Variants in IGF2BP2 observed in about 807,000 individuals in gnomAD.
The protein encoded by IGF2BP2 is insulin like growth factor 2 mRNA binding protein 2, also known as insulin-like growth factor 2 mRNA-binding protein 2.
IGF2BP2 carries 17 observed loss-of-function variants against 75.8 expected under a neutral mutation model. That is an observed-to-expected ratio of 0.22 (90% CI 0.15 to 0.34). IGF2BP2 has a LOEUF of 0.34. Among genes scored for constraint, IGF2BP2 ranks in the 10% least tolerant of loss-of-function variants. The probability of loss-of-function intolerance (pLI) is 1.00; values close to 1 mark genes in which losing one functional copy is unlikely to be tolerated. For synonymous variants in IGF2BP2, 288 were observed against 295.6 expected (o/e 0.97, Z 0.26); for missense variants, 516 against 772.4 (o/e 0.67, Z 3.93).
At chr3:185,712,056 C>G (rs1320509223) in intron 2 of IGF2BP2, among the ~76,000 whole-genome samples, 1 of 152,206 alleles carries the variant, frequency 6.6e-6, no homozygotes, top group Non-Finnish European at 1.5e-5. Flanking sequence ...GAAGGCATGA[C>G]CTGGAGCCAG....
chr3:185,809,369 T>G (rs57143329), intron 2 of IGF2BP2, among the ~76,000 whole-genome samples: 4 of 152,232 alleles, frequency 2.6e-5, no homozygotes, highest in African/African-American at 9.6e-5. Context: ...TGAAGCCCTG[T>G]GCAATTGTTC....
At chr3:185,659,711 T>C (rs1716101808) in intron 10 of IGF2BP2, among the ~76,000 whole-genome samples, 1 of 152,134 alleles carries the variant, frequency 6.6e-6, no homozygotes, top group South Asian at 2.1e-4. Flanking sequence ...TACTGTGTAC[T>C]AGATACTAAC....
At chr3:185,708,818 C>T (rs752329926) in intron 2 of IGF2BP2, among the ~76,000 whole-genome samples, 1 of 152,154 alleles carries the variant, frequency 6.6e-6, no homozygotes, top group East Asian at 1.9e-4. Context: ...TGAGTACAAA[C>T]ATGCATTTGG....
rs188432693 is a variant in IGF2BP2 at position 185,731,940 on chromosome 3, C to T, written c.240-33593G>A. Reference sequence around the variant, plus strand: ...GAGTTTGCAGTGAGCTGAGATCATGCCACTGCACTCCAGCCTGGGCGACAG... The same window carrying T: ...GAGTTTGCAGTGAGCTGAGATCATGTCACTGCACTCCAGCCTGGGCGACAG... On this transcript the variant is annotated intron_variant, in intron 2 of 15. Coordinates refer to ENST00000382199, the MANE Select transcript of IGF2BP2 (RefSeq NM_006548.6). 7.8e-3 allele frequency among the ~76,000 whole-genome samples: 1,188 copies of T among 152,098 alleles called. 31 individuals are homozygous for T. The highest frequency in any genetic ancestry group is 0.016 in the South Asian group (77 of 4,818).
intron 2 of IGF2BP2, among the ~76,000 whole-genome samples, chr3:185,764,548 C>G (rs1732797094): frequency 6.6e-6 from 1 of 152,134 alleles, no homozygotes; most frequent in Non-Finnish European, 1.5e-5. Flanking sequence ...GACCAATCTG[C>G]AGAGCAGCAA....
intron 2 of IGF2BP2, among the ~76,000 whole-genome samples, chr3:185,809,356 T>C (rs942995578): frequency 1.3e-5 from 2 of 152,238 alleles, no homozygotes; most frequent in Non-Finnish European, 2.9e-5. Flanking sequence ...CCAATGTTCA[T>C]TTTGAAGCCC....
At position 185,720,167 on chromosome 3, in the gene IGF2BP2, G is replaced by T. The variant is rs181744746; in HGVS notation, c.240-21820C>A. Among the ~76,000 whole-genome samples the T allele has an allele frequency of 1.2e-3, 186 of 152,292 alleles. 2 individuals carry two copies. Among genetic ancestry groups the T allele is most frequent in the Middle Eastern group, 6.8e-3 (2 of 294 alleles). On this transcript the variant is annotated intron_variant, in intron 2 of 15. Transcript: ENST00000382199. ...CAGGAGTCTTCAGTCTCTGGCCGTG[G>T]TCTATAAGAAAGGGCTACCAGCTAA...
At chr3:185,713,419 C>T (rs1162681597) in intron 2 of IGF2BP2, 1 of 519,996 alleles carries the variant, frequency 1.9e-6, no homozygotes, top group South Asian at 1.4e-5. Context: ...CAGTGGGCGG[C>T]TTGGTTTAAT....
chr3:185,649,815 C>A (rs904202045), intron 13 of IGF2BP2, among the ~76,000 whole-genome samples: 2 of 152,200 alleles, frequency 1.3e-5, no homozygotes, highest in Non-Finnish European at 2.9e-5. Context: ...TGTGTCAGGG[C>A]TAAGGGGATG....
chr3:185,751,835 C>T lies in IGF2BP2; in HGVS notation c.240-53488G>A, dbSNP rs946498688. Among the ~76,000 whole-genome samples, 9 of 151,650 alleles carry T rather than the reference C, an allele frequency of 5.9e-5. No individual in the cohort carries two copies. In the South Asian group the frequency reaches 1.3e-3, roughly 21 times the overall value. On this transcript the variant is annotated intron_variant, in intron 2 of 15. Transcript: ENST00000382199. The stretch of plus-strand genomic sequence containing the variant: ...AAAATTAGCTGGGCGTGGTGGTGGG[C>T]GCCTGTAGTCCCAGCTACTCAAGAG...
chr3:185,821,043 G>A (rs1295900975), intron 2 of IGF2BP2: 2 of 1,535,556 alleles, frequency 1.3e-6, no homozygotes, highest in South Asian at 1.2e-5. Flanking sequence ...ACGTGGTAGT[G>A]TCCAGGACAT....
intron 2 of IGF2BP2, among the ~76,000 whole-genome samples, chr3:185,723,222 AAACAGCT>A (rs1726825621): frequency 1.3e-5 from 2 of 152,194 alleles, no homozygotes; most frequent in South Asian, 4.1e-4. Flanking sequence ...AAAATTACGC[AAACAGCT>A]AAGTTTCTAT....
rs748296935 is a variant in IGF2BP2 at position 185,823,158 on chromosome 3, C to A, written c.234G>T (p.Lys78Asn). The A allele has an allele frequency of 1.2e-6, 2 of 1,602,964 alleles. No individual in the cohort carries two copies. Among genetic ancestry groups the A allele is most frequent in the Admixed American group, 3.4e-5 (2 of 58,294 alleles). ...ACTAAGCAAAGTATATTTACCTTAG[C>A]TTTTTAGAGACTGAGTAATCAACTT... ...IMEVDYSVSK[K>N]LRSRKIQIRN... The change falls in exon 2 of 16, where the codon AAG (lysine) becomes AAT (asparagine). Residue 78 changes from lysine (K) to asparagine (N), a missense_variant. This residue lies in a region of IGF2BP2 where 312 missense variants were observed against 474.5 expected (regional missense o/e 0.66). Transcript: ENST00000382199.
intron 10 of IGF2BP2, among the ~76,000 whole-genome samples, chr3:185,665,394 G>A (rs573276563): frequency 1.4e-5 from 2 of 139,440 alleles, no homozygotes; most frequent in African/African-American, 5.4e-5. Flanking sequence ...AGGAGAAGGA[G>A]GAGGAGGAGA....
At chr3:185,729,381 A>G (rs1434095119) in intron 2 of IGF2BP2, among the ~76,000 whole-genome samples, 1 of 152,220 alleles carries the variant, frequency 6.6e-6, no homozygotes, top group African/African-American at 2.4e-5. Context: ...TCCGCCTGTC[A>G]CTGCAAATAA....
chr3:185,669,994 C>A (rs763432263), intron 10 of IGF2BP2, among the ~76,000 whole-genome samples: 3 of 152,150 alleles, frequency 2.0e-5, no homozygotes, highest in Non-Finnish European at 2.9e-5. Context: ...ATTGGACCTG[C>A]ACTTCTGCAG....
At chr3:185,761,834 A>C (rs1732411141) in intron 2 of IGF2BP2, among the ~76,000 whole-genome samples, 1 of 152,248 alleles carries the variant, frequency 6.6e-6, no homozygotes, top group African/African-American at 2.4e-5. Context: ...TGTGCTTCAG[A>C]ACGTGAAAGC....
intron 2 of IGF2BP2, among the ~76,000 whole-genome samples, chr3:185,816,079 A>T (rs950493493): frequency 6.6e-6 from 1 of 152,178 alleles, no homozygotes; most frequent in Non-Finnish European, 1.5e-5. Flanking sequence ...CACAGCCCTG[A>T]CCTTTGCAAC....
intron 2 of IGF2BP2, 94 bp downstream of exon 2, chr3:185,823,059 A>C (rs996078242): frequency 1.3e-6 from 1 of 748,498 alleles, no homozygotes; most frequent in African/African-American, 1.8e-5. Context: ...CCCCTTTAAA[A>C]ACTACCAAGA....
Sources: allele counts gnomAD v4.1 joint callset (sites outside exome capture counted in the v4.1 genomes callset), GRCh38; gene constraint gnomAD v4.1.1; regional missense constraint gnomAD v4.1.1; transcripts MANE v1.5; gene names NCBI Gene and HGNC (gene_info 2026-07-23, HGNC 2026-07-21).